The following ALDH1L2 variants were observed in gnomAD, a reference collection of about 807,000 sequenced individuals.
The protein encoded by ALDH1L2 is mitochondrial 10-formyltetrahydrofolate dehydrogenase.
ALDH1L2 carries 91 observed loss-of-function variants against 111.0 expected under a neutral mutation model. The ratio of observed to expected loss-of-function variants is 0.82; its 90% CI spans 0.69 to 0.98. The LOEUF (loss-of-function observed/expected upper bound fraction) is 0.98, where lower values mean the gene tolerates loss of function less well. Among genes scored for constraint, ALDH1L2 ranks in the 50% least tolerant of loss-of-function variants. The pLI, the probability that ALDH1L2 is intolerant of heterozygous loss-of-function variation, is 0.00. For synonymous variants in ALDH1L2, 374 were observed against 392.6 expected (o/e 0.95, Z 0.56); for missense variants, 995 against 1,126.8 (o/e 0.88, Z 1.67).
At position 105,031,908 on chromosome 12, in the gene ALDH1L2, A is replaced by G; in HGVS notation, c.2271T>C (p.Ile757=). ...CAGTGGATCTGTCAAGTGGATCACC[A>G]ATTTTCATCTTTTTAATTTCTTCTA... The part of the protein sequence containing the change: ...RVVEEIKKMK[I]GDPLDRSTDH... Residue 757 remains isoleucine (I), a synonymous_variant, in exon 20 of 23, where the codon ATT becomes ATC. Coordinates refer to ENST00000258494, the MANE Select transcript of ALDH1L2 (RefSeq NM_001034173.4). The G allele has an allele frequency of 6.2e-7, 1 of 1,614,070 alleles. No individual in the cohort carries two copies. The highest frequency in any genetic ancestry group is 8.5e-7 in the Non-Finnish European group (1 of 1,180,010).
At chr12:105,036,941 C>T (rs948735988) in intron 18 of ALDH1L2, among the ~76,000 whole-genome samples, 6 of 152,022 alleles carry the variant, frequency 3.9e-5, no homozygotes, top group Admixed American at 2.6e-4. Flanking sequence ...AGGCCCTGGC[C>T]GCAGGGGTAC....
chr12:105,024,386 G>C lies in ALDH1L2; in HGVS notation c.*38C>G. 6.2e-7 allele frequency: 1 copy of C among 1,610,098 alleles called. No individual in the cohort carries two copies. Among genetic ancestry groups the C allele is most frequent in the Non-Finnish European group, 8.5e-7 (1 of 1,176,792 alleles). ...TCTTAAGTGTGTCCAGAGTTGTAAAGGGCTGTCTGTCAAGGCTTTCCTGAT... is the reference window on the plus strand; with the variant it reads ...TCTTAAGTGTGTCCAGAGTTGTAAACGGCTGTCTGTCAAGGCTTTCCTGAT... On this transcript the variant is annotated 3_prime_UTR_variant, in exon 23 of 23. Transcript: ENST00000258494.
chr12:105,046,191 C>T (rs371647804), intron 15 of ALDH1L2, among the ~76,000 whole-genome samples: 1 of 21,256 alleles, frequency 4.7e-5, no homozygotes, highest in Non-Finnish European at 7.8e-5. Context: ...CTCTCTCTCT[C>T]TCTATATATA....
At chr12:105,053,358 T>C (rs977519443) in intron 10 of ALDH1L2, among the ~76,000 whole-genome samples, 1 of 152,238 alleles carries the variant, frequency 6.6e-6, no homozygotes, top group African/African-American at 2.4e-5. Context: ...AGTTCCTCTC[T>C]GTTTTCACTT....
At chr12:105,073,307 A>G (rs549355119) in intron 2 of ALDH1L2, among the ~76,000 whole-genome samples, 1 of 152,310 alleles carries the variant, frequency 6.6e-6, no homozygotes, top group East Asian at 1.9e-4. Context: ...GCTGTTACCC[A>G]CATGCTGTAC....
chr12:105,079,365 T>C (rs1565976405), intron 1 of ALDH1L2, among the ~76,000 whole-genome samples: 1 of 152,232 alleles, frequency 6.6e-6, no homozygotes, highest in Non-Finnish European at 1.5e-5. Context: ...TGCCTCATTA[T>C]ATAAAGAAGA....
At position 105,081,122 on chromosome 12, in the gene ALDH1L2, G is replaced by A. The variant is rs575856093; in HGVS notation, c.48+3267C>T. Reference sequence around the variant, plus strand: ...CACAGGTTATATACAAATATTACCCGTTTTATATAAGGGACTTGAACATCT... The same window carrying A: ...CACAGGTTATATACAAATATTACCCATTTTATATAAGGGACTTGAACATCT... On this transcript the variant is annotated intron_variant, in intron 1 of 22. Transcript: ENST00000258494. Among the ~76,000 whole-genome samples, 59 of 152,240 alleles carry A rather than the reference G, an allele frequency of 3.9e-4. 1 individual carries two copies. The highest frequency in any genetic ancestry group is 1.1e-3 in the Admixed American group (17 of 15,280).
At chr12:105,062,282 G>T (rs997571015) in intron 7 of ALDH1L2, among the ~76,000 whole-genome samples, 1 of 152,204 alleles carries the variant, frequency 6.6e-6, no homozygotes, top group Non-Finnish European at 1.5e-5. Context: ...TCAGTAATTT[G>T]CTCAGTGCCA....
At chr12:105,068,642 A>G in intron 4 of ALDH1L2, 77 bp downstream of exon 4, 1 of 1,271,850 alleles carries the variant, frequency 7.9e-7, no homozygotes, top group Non-Finnish European at 1.0e-6. Context: ...ATTCATATGG[A>G]TAATTTCTTC....
At chr12:105,056,401 C>CT (rs1384943523) in intron 10 of ALDH1L2, among the ~76,000 whole-genome samples, 2 of 151,958 alleles carry the variant, frequency 1.3e-5, no homozygotes, top group East Asian at 3.9e-4. Context: ...ACAAAAAGTA[C>CT]TGAGAAGAAT....
chr12:105,052,318 TAAA>T (rs1019885586), intron 11 of ALDH1L2, 101 bp from the exon 12 acceptor site: 2 of 867,770 alleles, frequency 2.3e-6, no homozygotes, highest in Non-Finnish European at 3.2e-6. Context: ...TTACTGATTT[TAAA>T]AAAAGTTATG....
At position 105,022,762 on chromosome 12, in the gene ALDH1L2, C is replaced by G. The variant is rs1207796558; in HGVS notation, c.*1662G>C. 6.6e-6 allele frequency: 1 copy of G among 152,108 alleles called. No individual in the cohort carries two copies. The highest frequency in any genetic ancestry group is 1.9e-4 in the East Asian group (1 of 5,180). The allele number at this position is 152,108 out of a possible 1,614,324, so 9.4% of individuals were successfully genotyped here. On this transcript the variant is annotated 3_prime_UTR_variant, in exon 23 of 23. Coordinates refer to ENST00000258494, the MANE Select transcript of ALDH1L2 (RefSeq NM_001034173.4). ...GTTTATCATGCTGGGATCAAACCTC[C>G]TATTCTTCCTTTTGAAAATGTTCTC...
At chr12:105,027,017 G>A (rs940778016) in intron 21 of ALDH1L2, among the ~76,000 whole-genome samples, 53 of 152,188 alleles carry the variant, frequency 3.5e-4, no homozygotes, top group Admixed American at 1.3e-4. Context: ...CTACAGGCAT[G>A]TGCCACCATG....
chr12:105,031,951 C>G lies in ALDH1L2; in HGVS notation c.2245-17G>C. 1 of 1,611,424 alleles carries G rather than the reference C, an allele frequency of 6.2e-7. No individual in the cohort carries two copies. ...TTCTTCTACCTGTATGTTACCCAGTCCATAAAAACACAATTCACTGTTAAT... is the reference window on the plus strand; with the variant it reads ...TTCTTCTACCTGTATGTTACCCAGTGCATAAAAACACAATTCACTGTTAAT... On this transcript the variant is annotated splice_polypyrimidine_tract_variant and intron_variant, in intron 19 of 22. Coordinates refer to ENST00000258494, the MANE Select transcript of ALDH1L2 (RefSeq NM_001034173.4).
At chr12:105,057,345 T>C (rs552853363) in intron 10 of ALDH1L2, among the ~76,000 whole-genome samples, 3 of 152,068 alleles carry the variant, frequency 2.0e-5, no homozygotes, top group Non-Finnish European at 4.4e-5. Context: ...CGGAAAACAG[T>C]TTGGCAGTTA....
chr12:105,031,439 A>G (rs554228706), intron 20 of ALDH1L2, among the ~76,000 whole-genome samples: 4 of 152,266 alleles, frequency 2.6e-5, no homozygotes, highest in Admixed American at 2.6e-4. Flanking sequence ...TTATTCCATC[A>G]GGAGACACAT....
rs146871361 is a variant in ALDH1L2 at position 105,038,598 on chromosome 12, T to G, written c.2046-396A>C. ...AGGAGGATCGTTTGAGCCCAGGAATTCAAAGCTGCAGTGAGCTGTGATCAC... is the reference window on the plus strand; with the variant it reads ...AGGAGGATCGTTTGAGCCCAGGAATGCAAAGCTGCAGTGAGCTGTGATCAC... On this transcript the variant is annotated intron_variant, in intron 17 of 22. Transcript: ENST00000258494. 1.6e-3 allele frequency among the ~76,000 whole-genome samples: 238 copies of G among 152,082 alleles called. 9 individuals are homozygous for G. The East Asian group carries it at 0.043, about 27-fold the overall frequency.
intron 22 of ALDH1L2, 64 bp downstream of exon 22, chr12:105,026,481 A>G (rs1049056579): frequency 9.5e-6 from 15 of 1,582,302 alleles, no homozygotes; most frequent in Admixed American, 6.7e-5. Flanking sequence ...GTCATGAAAC[A>G]TAGAGCAGAT....
At position 105,066,561 on chromosome 12, in the gene ALDH1L2, T is replaced by C; in HGVS notation, c.696+7A>G. The C allele has an allele frequency of 1.2e-6, 2 of 1,611,718 alleles. No homozygotes were observed. Among genetic ancestry groups the C allele is most frequent in the South Asian group, 2.2e-5 (2 of 90,976 alleles). On this transcript the variant is annotated splice_region_variant and intron_variant, in intron 5 of 22. Coordinates refer to ENST00000258494, the MANE Select transcript of ALDH1L2 (RefSeq NM_001034173.4). ...TGAGACGTGTTATTGAGTTGATATA[T>C]AAATACCTCAGCATTTTCCTTTTTC...
Sources: allele counts gnomAD v4.1 joint callset (sites outside exome capture counted in the v4.1 genomes callset), GRCh38; gene constraint gnomAD v4.1.1; transcripts MANE v1.5; gene names NCBI Gene and HGNC (gene_info 2026-07-23, HGNC 2026-07-21).